Variants in PDE6D observed in about 807,000 individuals in gnomAD.
The protein encoded by PDE6D is retinal rod rhodopsin-sensitive cGMP 3',5'-cyclic phosphodiesterase subunit delta.
PDE6D carries 10 observed loss-of-function variants against 21.9 expected under a neutral mutation model. That is an observed-to-expected ratio of 0.46 (90% confidence interval 0.28 to 0.78). The LOEUF (loss-of-function observed/expected upper bound fraction) is 0.78. PDE6D is among the 30% of genes least tolerant of loss of function. The pLI is 0.12. For missense variants in PDE6D, 139 were observed against 184.8 expected, an observed-to-expected ratio of 0.75 and a Z score of 1.44; for synonymous variants, 59 against 63.5, an observed-to-expected ratio of 0.93 and a Z score of 0.34.
At position 231,741,076 on chromosome 2, in the gene PDE6D, A is replaced by C. The variant is rs889914312; in HGVS notation, c.51-1888T>G. 1.6e-4 allele frequency among the ~76,000 whole-genome samples: 21 copies of C among 133,238 alleles called. No homozygotes were observed. In the Admixed American group the frequency reaches 1.7e-3, roughly 11 times the overall value. 87.4% of individuals were successfully genotyped at this position (133,238 alleles called of 152,430 possible). A position where few individuals can be genotyped will look rare whatever the true frequency, so the allele number is the denominator to read the frequency against. On this transcript the variant is annotated intron_variant, in intron 1 of 4. Transcript: ENST00000287600. ...TCACTTGAACCCGGGAGATTGCGCC[A>C]TTGCACTCCAGCCTCAACAAGAGCG...
intron 1 of PDE6D, among the ~76,000 whole-genome samples, chr2:231,768,090 A>G (rs1986882): frequency 0.17 from 26,346 of 151,810 alleles, 2,742 homozygotes; most frequent in Non-Finnish European, 0.23. Flanking sequence ...AGGGATCCAT[A>G]CACCTTAGCC....
chr2:231,737,916 G>T, intron 3 of PDE6D, 97 bp downstream of exon 3: 1 of 1,167,882 alleles, frequency 8.6e-7, no homozygotes, highest in Non-Finnish European at 1.2e-6. Flanking sequence ...GTTGTAAAAG[G>T]AATGTTATCA....
intron 1 of PDE6D, among the ~76,000 whole-genome samples, chr2:231,742,929 G>C (rs1218864457): frequency 1.3e-5 from 2 of 152,194 alleles, no homozygotes; most frequent in African/African-American, 4.8e-5. Flanking sequence ...ATGCCAACCT[G>C]CCCTTTCCTA....
chr2:231,753,425 C>G (rs976461095), intron 1 of PDE6D, among the ~76,000 whole-genome samples: 17 of 151,812 alleles, frequency 1.1e-4, no homozygotes, highest in Non-Finnish European at 2.1e-4. Context: ...GCGGCACGCG[C>G]CTGTAGTCCC....
At chr2:231,772,856 G>T (rs1470961888) in intron 1 of PDE6D, among the ~76,000 whole-genome samples, 1 of 152,178 alleles carries the variant, frequency 6.6e-6, no homozygotes, top group Non-Finnish European at 1.5e-5. Context: ...ACCCTGGCAA[G>T]AAACTTAGAA....
At chr2:231,769,084 G>C (rs1195367922) in intron 1 of PDE6D, among the ~76,000 whole-genome samples, 1 of 152,034 alleles carries the variant, frequency 6.6e-6, no homozygotes, top group African/African-American at 2.4e-5. Flanking sequence ...GGTCAGGCTG[G>C]TCTCGAACTC....
intron 1 of PDE6D, among the ~76,000 whole-genome samples, chr2:231,754,511 C>T (rs1283252511): frequency 6.6e-6 from 1 of 151,178 alleles, no homozygotes; most frequent in Admixed American, 6.6e-5. Flanking sequence ...CGCCCACCAC[C>T]ATGCCTGGCT....
intron 1 of PDE6D, among the ~76,000 whole-genome samples, chr2:231,755,551 AC>A (rs1386419352): frequency 6.6e-6 from 1 of 151,910 alleles, no homozygotes; most frequent in Non-Finnish European, 1.5e-5. Context: ...ACATGGTGAA[AC>A]CCTGTCTCTA....
Position 231,739,377 on chromosome 2 carries a change from C to T in PDE6D, c.51-189G>A. On this transcript the variant is annotated intron_variant, in intron 1 of 4. Transcript: ENST00000287600. The surrounding 1 kb of genome is among the most constrained non-coding windows in gnomAD (Gnocchi z 4.2). Reference sequence around the variant, plus strand: ...GACATCTAAAGGAAGAAGCAGAAACCTAGAGAAGTTACTTTTATCTATGAG... The same window carrying T: ...GACATCTAAAGGAAGAAGCAGAAACTTAGAGAAGTTACTTTTATCTATGAG... 1.4e-6 allele frequency: 1 copy of T among 715,296 alleles called. No individual in the cohort carries two copies. Among genetic ancestry groups the T allele is most frequent in the South Asian group, 1.4e-5 (1 of 72,460 alleles). The allele number at this position is 715,296 out of a possible 1,614,324, so 44.3% of individuals were successfully genotyped here. A position where few individuals can be genotyped will look rare whatever the true frequency, so the allele number is the denominator to read the frequency against.
chr2:231,741,796 C>T (rs891919395), intron 1 of PDE6D, among the ~76,000 whole-genome samples: 1 of 152,098 alleles, frequency 6.6e-6, no homozygotes, highest in African/African-American at 2.4e-5. Flanking sequence ...GGCTTCATTG[C>T]AAGTAGTGCT....
intron 3 of PDE6D, 44 bp from the exon 4 acceptor site, chr2:231,737,336 TAA>T (rs1559308112): frequency 9.3e-7 from 1 of 1,074,618 alleles, no homozygotes; most frequent in South Asian, 1.3e-5. Context: ...TGCCCCAGTA[TAA>T]AGTTTAAGGG....
intron 1 of PDE6D, among the ~76,000 whole-genome samples, chr2:231,762,269 C>T (rs1284456038): frequency 6.6e-6 from 1 of 151,062 alleles, no homozygotes; most frequent in Non-Finnish European, 1.5e-5. Flanking sequence ...AAAAAGTAGA[C>T]CTCCTCTTTT....
intron 1 of PDE6D, among the ~76,000 whole-genome samples, chr2:231,748,947 C>T (rs1051844982): frequency 6.6e-6 from 1 of 152,208 alleles, no homozygotes; most frequent in South Asian, 2.1e-4. Flanking sequence ...GATGCCCAGA[C>T]AAAAGTTTGC....
rs546234324 is a variant in PDE6D at position 231,774,467 on chromosome 2, A to T, written c.50+6598T>A. Among the ~76,000 whole-genome samples the T allele has an allele frequency of 2.0e-3, 301 of 152,334 alleles. 1 individual carries two copies. Among genetic ancestry groups the T allele is most frequent in the Non-Finnish European group, 9.6e-4 (65 of 68,028 alleles). Reference sequence around the variant, plus strand: ...CCCATACTCTCAACCACTGTGCTATATACTCTACTGCAGTAATGTGTAAAC... The same window carrying T: ...CCCATACTCTCAACCACTGTGCTATTTACTCTACTGCAGTAATGTGTAAAC... On this transcript the variant is annotated intron_variant, in intron 1 of 4. Transcript: ENST00000287600.
intron 1 of PDE6D, among the ~76,000 whole-genome samples, chr2:231,766,559 T>G (rs2106282525): frequency 6.6e-6 from 1 of 152,346 alleles, no homozygotes; most frequent in East Asian, 1.9e-4. Context: ...CCACTGTTTC[T>G]TTCAGGTTAT....
intron 1 of PDE6D, among the ~76,000 whole-genome samples, chr2:231,752,768 T>TTA (rs998802141): frequency 2.0e-5 from 3 of 150,580 alleles, no homozygotes; most frequent in Non-Finnish European, 3.0e-5. Context: ...TATACTTGTA[T>TTA]TATATATATA....
intron 1 of PDE6D, among the ~76,000 whole-genome samples, chr2:231,749,715 G>A (rs557807727): frequency 9.7e-4 from 147 of 152,112 alleles, no homozygotes; most frequent in African/African-American, 3.4e-3. Context: ...GTATTTTTTA[G>A]TAAAGATGGG....
intron 4 of PDE6D, 116 bp from the exon 5 acceptor site, chr2:231,733,149 C>T (rs1440737915): frequency 1.4e-6 from 1 of 707,210 alleles, no homozygotes; most frequent in African/African-American, 1.8e-5. Context: ...TGCACCCACC[C>T]AGAGTCTTAG....
intron 1 of PDE6D, among the ~76,000 whole-genome samples, chr2:231,744,535 G>A (rs192458618): frequency 0.01 from 1,515 of 151,450 alleles, 28 homozygotes; most frequent in African/African-American, 0.035. Flanking sequence ...CCGGGTTCAA[G>A]TGATTCTCCT....
Sources: allele counts gnomAD v4.1 joint callset (sites outside exome capture counted in the v4.1 genomes callset), GRCh38; gene constraint gnomAD v4.1.1; non-coding constraint Gnocchi (gnomAD v3.1); transcripts MANE v1.5; gene names NCBI Gene and HGNC (gene_info 2026-07-23, HGNC 2026-07-21).